Variants in CUX1 observed in about 807,000 individuals in gnomAD.
CUX1 encodes the protein protein CASP.
In CUX1, 31 loss-of-function variants were observed where a neutral mutation model predicts 158.8. The ratio of observed to expected loss-of-function variants is 0.20; its 90% confidence interval spans 0.15 to 0.26. The LOEUF (loss-of-function observed/expected upper bound fraction) is 0.26, where lower values mean the gene tolerates loss of function less well. CUX1 is among the 10% of genes least tolerant of loss of function. The probability of loss-of-function intolerance (pLI) is 1.00; values close to 1 mark genes in which losing one functional copy is unlikely to be tolerated. For missense variants in CUX1, 1,589 were observed against 2,014.6 expected (o/e 0.79, Z 4.04); for synonymous variants, 879 against 862.1 (o/e 1.02, Z -0.34).
intron 8 of CUX1, chr7:102,115,677 G>A: frequency 6.0e-6 from 1 of 167,108 alleles, no homozygotes; most frequent in South Asian, 1.8e-4. Flanking sequence ...GCAGGCATAG[G>A]GGTTCATGTC....
chr7:101,894,119 C>T (rs747339857), intron 1 of CUX1, among the ~76,000 whole-genome samples: 24 of 152,180 alleles, frequency 1.6e-4, no homozygotes, highest in Admixed American at 1.2e-3. Context: ...CCTCGGGTAC[C>T]GGTGTCTGAT....
At chr7:102,115,118 C>G in intron 7 of CUX1, 89 bp from the exon 8 acceptor site, 1 of 1,152,702 alleles carries the variant, frequency 8.7e-7, no homozygotes. Flanking sequence ...TCACAGAAAT[C>G]TTTGCCTCTT....
chr7:102,176,203 C>T (rs1458444725), intron 10 of CUX1, among the ~76,000 whole-genome samples: 2 of 152,246 alleles, frequency 1.3e-5, no homozygotes, highest in Admixed American at 6.5e-5. Flanking sequence ...CTCATTTTCC[C>T]CGAGGGAGAT....
chr7:102,230,515 A>G (rs976246594), intron 21 of CUX1, among the ~76,000 whole-genome samples: 2 of 151,546 alleles, frequency 1.3e-5, no homozygotes, highest in Non-Finnish European at 2.9e-5. Flanking sequence ...AAAAAAAAGA[A>G]CAGAGTAGCT....
At chr7:102,045,020 G>A (rs1401277188) in intron 3 of CUX1, among the ~76,000 whole-genome samples, 5 of 152,158 alleles carry the variant, frequency 3.3e-5, no homozygotes, top group African/African-American at 1.2e-4. Context: ...GGTGTTAGCC[G>A]TGGTGGTCAC....
At position 101,924,576 on chromosome 7, in the gene CUX1, TC is replaced by T. The variant is rs1390919321; in HGVS notation, c.141+8352del. On this transcript the variant is annotated intron_variant, in intron 2 of 23. Transcript: ENST00000292535. Reference sequence around the variant, plus strand: ...TTACTTTTTTCCTTTTTTTTTTTTTTCTTTTTGGAGACAGGGTCTTGCTCTG... The same window carrying T: ...TTACTTTTTTCCTTTTTTTTTTTTTTTTTTTGGAGACAGGGTCTTGCTCTG... Among the ~76,000 whole-genome samples, 4 of 151,334 alleles carry T rather than the reference TC, an allele frequency of 2.6e-5. No homozygotes were observed. The South Asian group carries it at 6.3e-4, about 24-fold the overall frequency.
intron 20 of CUX1, among the ~76,000 whole-genome samples, chr7:102,214,341 T>C (rs898964550): frequency 2.6e-5 from 4 of 151,822 alleles, no homozygotes; most frequent in Admixed American, 2.0e-4. Context: ...CTGAGCAACA[T>C]AGCAAGACCC....
At chr7:102,167,849 G>A (rs1392884194) in intron 9 of CUX1, among the ~76,000 whole-genome samples, 1 of 151,710 alleles carries the variant, frequency 6.6e-6, no homozygotes, top group African/African-American at 2.4e-5. Context: ...GGAGGCCAAG[G>A]CATGGATCAC....
At chr7:102,199,311 C>G (rs1795141330) in intron 16 of CUX1, among the ~76,000 whole-genome samples, 2 of 152,206 alleles carry the variant, frequency 1.3e-5, no homozygotes, top group Admixed American at 1.3e-4. Flanking sequence ...CGGTGGCATA[C>G]TTGTTTTTAA....
chr7:102,269,572 ATT>A (rs71123030), intron 14 of CUX1, among the ~76,000 whole-genome samples: 1,978 of 107,756 alleles, frequency 0.018, 10 homozygotes, highest in African/African-American at 0.042. Context: ...TGCCCGGCTA[ATT>A]TTTTTTTTTT....
intron 2 of CUX1, among the ~76,000 whole-genome samples, chr7:101,967,300 C>T (rs1280256356): frequency 6.6e-6 from 1 of 152,222 alleles, no homozygotes; most frequent in East Asian, 1.9e-4. Flanking sequence ...CAGGCGTGAG[C>T]CACCGCGCCC....
chr7:102,092,498 C>T (rs1554482558), intron 4 of CUX1, among the ~76,000 whole-genome samples: 2 of 152,266 alleles, frequency 1.3e-5, no homozygotes, highest in Non-Finnish European at 2.9e-5. Context: ...GCAAACGCTC[C>T]TCACTCACAG....
chr7:101,818,458 A>G (rs889932085), intron 1 of CUX1, among the ~76,000 whole-genome samples: 1 of 152,180 alleles, frequency 6.6e-6, no homozygotes. Flanking sequence ...TTTGGTTTCT[A>G]GAGTTACTAG....
chr7:101,962,281 G>A (rs1260131225), intron 2 of CUX1, among the ~76,000 whole-genome samples: 2 of 152,132 alleles, frequency 1.3e-5, no homozygotes, highest in Non-Finnish European at 2.9e-5. Flanking sequence ...CTCTCTGTCC[G>A]TGGAATCACA....
chr7:102,276,277 A>G lies in CUX1; in HGVS notation c.1563+918A>G, dbSNP rs1434713014. ...TTTAGAGGAAGCGTCATACTGCCATATACTTTTTTGTACTGCTCAAGTTTT... is the reference window on the plus strand; with the variant it reads ...TTTAGAGGAAGCGTCATACTGCCATGTACTTTTTTGTACTGCTCAAGTTTT... On this transcript the variant is annotated intron_variant, in intron 17 of 22. Coordinates refer to the CUX1 transcript ENST00000292538. 2.0e-5 allele frequency among the ~76,000 whole-genome samples: 3 copies of G among 152,184 alleles called. No homozygotes were observed. The East Asian group carries it at 5.8e-4, about 29-fold the overall frequency.
chr7:102,106,600 C>T (rs1830385936), intron 6 of CUX1, among the ~76,000 whole-genome samples: 1 of 152,162 alleles, frequency 6.6e-6, no homozygotes, highest in Non-Finnish European at 1.5e-5. Context: ...GATCTCACAG[C>T]CCAAAAGGTA....
chr7:102,222,811 CTTTTTTTT>C (rs71123016), intron 20 of CUX1, among the ~76,000 whole-genome samples: 34 of 25,528 alleles, frequency 1.3e-3, no homozygotes, highest in African/African-American at 5.0e-3. Flanking sequence ...GGCACCGTAT[CTTTTTTTT>C]TTTTTTTTTT....
At chr7:101,912,924 C>T (rs1013236756) in intron 1 of CUX1, among the ~76,000 whole-genome samples, 2 of 152,102 alleles carry the variant, frequency 1.3e-5, no homozygotes, top group Non-Finnish European at 2.9e-5. Flanking sequence ...ACTCATGGGC[C>T]GAGGCCTCTG....
intron 23 of CUX1, among the ~76,000 whole-genome samples, chr7:102,246,856 T>C (rs1166382900): frequency 6.6e-6 from 1 of 152,190 alleles, no homozygotes; most frequent in Non-Finnish European, 1.5e-5. Flanking sequence ...AGGCGTGAGC[T>C]ACCATGCCCA....
Sources: allele counts gnomAD v4.1 joint callset (sites outside exome capture counted in the v4.1 genomes callset), GRCh38; gene constraint gnomAD v4.1.1; transcripts MANE v1.5; gene names NCBI Gene and HGNC (gene_info 2026-07-23, HGNC 2026-07-21).